Variants in VIPR2 observed in about 807,000 individuals in gnomAD.
VIPR2 encodes vasoactive intestinal peptide receptor 2.
In VIPR2, 48 loss-of-function variants were observed where a neutral mutation model predicts 58.0. That is an observed-to-expected ratio of 0.83 (90% CI 0.66 to 1.05). The LOEUF (loss-of-function observed/expected upper bound fraction) is 1.05, where lower values mean the gene tolerates loss of function less well. Among genes scored for constraint, VIPR2 ranks in the 50% least tolerant of loss-of-function variants. The pLI, the probability that VIPR2 is intolerant of heterozygous loss-of-function variation, is 0.00. For synonymous variants in VIPR2, 243 were observed against 235.2 expected (o/e 1.03, Z -0.30); for missense variants, 534 against 558.0 (o/e 0.96, Z 0.43).
chr7:159,142,544 A>C lies in VIPR2; in HGVS notation c.53T>G (p.Val18Gly). 6.2e-7 allele frequency: 1 copy of C among 1,609,440 alleles called. No homozygotes were observed. The change falls in exon 2 of 13, where the codon GTG becomes GGG. Residue 18 changes from valine (V) to glycine (G), a missense_variant and splice_region_variant. Transcript: ENST00000262178. ...ALLTCWLLAP[V>G]NSIHPECRFH... is the part of the protein sequence containing the mutation. Reference sequence around the variant, plus strand: ...TCGGCATTCTGGGTGAATGCTGTTCACCTGTTCACGGTTAAAAGAAATATT... The same window carrying C: ...TCGGCATTCTGGGTGAATGCTGTTCCCCTGTTCACGGTTAAAAGAAATATT...
At chr7:159,118,454 G>A (rs1796326585) in intron 2 of VIPR2, among the ~76,000 whole-genome samples, 1 of 152,218 alleles carries the variant, frequency 6.6e-6, no homozygotes, top group Non-Finnish European at 1.5e-5. Context: ...CAAGACCAAG[G>A]CGGGAGAACA....
At chr7:159,078,651 T>C (rs771758260) in intron 4 of VIPR2, among the ~76,000 whole-genome samples, 1 of 152,204 alleles carries the variant, frequency 6.6e-6, no homozygotes, top group Non-Finnish European at 1.5e-5. Context: ...CAAAGATCTA[T>C]CCACTGTTGA....
rs188442965 is a variant in VIPR2, at chr7:159,092,069, C to T, written c.357+11688G>A. On this transcript the variant is annotated intron_variant, in intron 4 of 12. Coordinates refer to ENST00000262178, the MANE Select transcript of VIPR2 (RefSeq NM_003382.5). ...ATTATGCCGCTGAACTCCTGGGCAG[C>T]GGTTAGTCCCTCAGAAAACGGAGGT... 3.8e-3 allele frequency among the ~76,000 whole-genome samples: 573 copies of T among 152,312 alleles called. 3 individuals carry two copies. The highest frequency in any genetic ancestry group is 0.013 in the African/African-American group (531 of 41,576).
chr7:159,061,348 G>GAA (rs57425728), intron 4 of VIPR2, among the ~76,000 whole-genome samples: 2,011 of 136,798 alleles, frequency 0.015, 26 homozygotes, highest in Middle Eastern at 0.047. Flanking sequence ...AATAAAAGTT[G>GAA]AAAAAAAAAA....
chr7:159,079,754 A>G (rs1563304494), intron 4 of VIPR2, among the ~76,000 whole-genome samples: 1 of 152,346 alleles, frequency 6.6e-6, no homozygotes, highest in Non-Finnish European at 1.5e-5. Context: ...AGAAGAATCA[A>G]ATAGACACAA....
chr7:159,052,660 T>C (rs963183475), intron 5 of VIPR2, among the ~76,000 whole-genome samples: 5 of 152,204 alleles, frequency 3.3e-5, no homozygotes, highest in African/African-American at 1.2e-4. Context: ...ATTATCAAGC[T>C]GAGTTCAGCT....
At position 159,104,171 on chromosome 7, in the gene VIPR2, C is replaced by A. The variant is rs1394071109; in HGVS notation, c.260-317G>T. ...CTTAACAGACTCTTAGGTTCTGCCA[C>A]CATAAGTGATATTTATAGCCAAGCC... On this transcript the variant is annotated intron_variant, in intron 3 of 12. Coordinates refer to ENST00000262178, the MANE Select transcript of VIPR2 (RefSeq NM_003382.5). 2.0e-5 allele frequency among the ~76,000 whole-genome samples: 3 copies of A among 152,318 alleles called. No individual in the cohort carries two copies. The East Asian group carries it at 5.8e-4, about 29-fold the overall frequency.
At chr7:159,121,232 T>C (rs1310487044) in intron 2 of VIPR2, among the ~76,000 whole-genome samples, 1 of 143,680 alleles carries the variant, frequency 7.0e-6, no homozygotes, top group Non-Finnish European at 1.5e-5. Context: ...TTCCTCGTCG[T>C]GCGGGGCAGA....
chr7:159,077,283 T>TTTGCTGTGTACCTCTAACCTGG (rs1856683555), intron 4 of VIPR2, among the ~76,000 whole-genome samples: 1 of 149,720 alleles, frequency 6.7e-6, no homozygotes, highest in Admixed American at 6.6e-5. Context: ...GTCTTTGAGG[T>TTTGCTGTGTACCTCTAACCTGG]ACTACAGTGT....
intron 2 of VIPR2, among the ~76,000 whole-genome samples, chr7:159,116,020 T>C (rs561256670): frequency 6.6e-6 from 1 of 152,326 alleles, no homozygotes; most frequent in South Asian, 2.1e-4. Flanking sequence ...CCATTGGACA[T>C]GGGGTCTTGT....
intron 4 of VIPR2, among the ~76,000 whole-genome samples, chr7:159,063,112 G>A (rs565543859): frequency 2.0e-4 from 31 of 152,328 alleles, no homozygotes; most frequent in South Asian, 1.0e-3. Context: ...GGCCGCAGGC[G>A]GAGCTGCCCC....
At chr7:159,058,076 C>G (rs1046551389) in intron 5 of VIPR2, among the ~76,000 whole-genome samples, 6 of 152,168 alleles carry the variant, frequency 3.9e-5, no homozygotes, top group African/African-American at 1.4e-4. Context: ...GAGACTGACC[C>G]AGGATTTGAA....
intron 4 of VIPR2, chr7:159,059,420 AG>A (rs989192407): frequency 4.3e-6 from 2 of 460,516 alleles, no homozygotes; most frequent in African/African-American, 4.0e-5. Context: ...TTTTGTCAAG[AG>A]GCCCTAAGTC....
chr7:159,118,294 G>A (rs1796320205), intron 2 of VIPR2, among the ~76,000 whole-genome samples: 2 of 152,218 alleles, frequency 1.3e-5, no homozygotes, highest in African/African-American at 2.4e-5. Flanking sequence ...AGATAGCCAC[G>A]AGGAAAAGAC....
At chr7:159,122,897 A>C (rs754057504) in intron 2 of VIPR2, among the ~76,000 whole-genome samples, 13 of 152,076 alleles carry the variant, frequency 8.5e-5, no homozygotes, top group Non-Finnish European at 4.4e-5. Context: ...TATATAGGTA[A>C]ACTCATGTCA....
chr7:159,068,504 T>C (rs575014325), intron 4 of VIPR2, among the ~76,000 whole-genome samples: 1 of 152,232 alleles, frequency 6.6e-6, no homozygotes, highest in Non-Finnish European at 1.5e-5. Context: ...GCCTTCTGTG[T>C]TCCACAGCGT....
chr7:159,111,786 A>G (rs188698606), intron 2 of VIPR2, among the ~76,000 whole-genome samples: 2 of 152,326 alleles, frequency 1.3e-5, no homozygotes, highest in Non-Finnish European at 2.9e-5. Flanking sequence ...AGGCGGGATA[A>G]TCCCTTGAGC....
rs370266543 is a variant in VIPR2 at position 159,052,040 on chromosome 7, A to G, written c.455+6441T>C. On this transcript the variant is annotated intron_variant, in intron 5 of 12. Transcript: ENST00000262178. ...TGACCTATGTAGCACATAACCAAGA[A>G]CTGCATAATTTACATTATTTTCAAA... Among the ~76,000 whole-genome samples the G allele has an allele frequency of 5.9e-5, 9 of 152,316 alleles. No individual in the cohort carries two copies. The South Asian group carries it at 1.0e-3, about 18-fold the overall frequency.
Position 159,142,435 on chromosome 7 carries a change from C to A in VIPR2, c.151+11G>T. 1.2e-6 allele frequency: 2 copies of A among 1,610,636 alleles called. No homozygotes were observed. The highest frequency in any genetic ancestry group is 2.2e-5 in the South Asian group (2 of 90,828). The stretch of plus-strand genomic sequence containing the variant: ...TCACGGGAGTTCTTACTCACCAAGC[C>A]TCTGCCTTACCTTTGTGTTTTTCTG... On this transcript the variant is annotated intron_variant, in intron 2 of 12. Transcript: ENST00000262178.
Sources: gnomAD v4.1 joint callset for allele counts (sites outside exome capture counted in the v4.1 genomes callset) on GRCh38, gnomAD v4.1.1 for gene constraint, MANE v1.5 for transcripts, NCBI Gene and HGNC (gene_info 2026-07-23, HGNC 2026-07-21) for gene names.